The following IVD variants were observed in gnomAD, a reference collection of about 807,000 sequenced individuals.
IVD encodes the protein isovaleryl-CoA dehydrogenase.
IVD carries 31 observed loss-of-function variants against 51.3 expected under a neutral mutation model. The ratio of observed to expected loss-of-function variants is 0.60; its 90% CI spans 0.45 to 0.81. The LOEUF is 0.81. Ranked by LOEUF, IVD falls within the 40% of genes least tolerant of loss-of-function variation. The pLI, the probability that IVD is intolerant of heterozygous loss-of-function variation, is 0.00. For missense variants in IVD, 475 were observed against 552.0 expected (o/e 0.86, Z 1.40); for synonymous variants, 205 against 219.4 (o/e 0.93, Z 0.58).
chr15:40,433,135 G>A (rs1432749757), intron 7 of IVD, among the ~76,000 whole-genome samples: 3 of 152,066 alleles, frequency 2.0e-5, no homozygotes, highest in African/African-American at 7.2e-5. Flanking sequence ...GTAGAAAGAA[G>A]AAAGCTTTTA....
Position 40,418,250 on chromosome 15 carries a change from C to T in IVD, c.1259C>T (p.Ala420Val). ...CTGGTCATCGGCAGAGCCTTCAATGCAGACTTTCACTAGTCCTGAGACCCT... is the reference window on the plus strand; with the variant it reads ...CTGGTCATCGGCAGAGCCTTCAATGTAGACTTTCACTAGTCCTGAGACCCT... Reference protein sequence around the residue: ...RRLVIGRAFNADFH With the variant: ...RRLVIGRAFNVDFH Residue 420 changes from alanine (A) to valine (V), a missense_variant, in exon 12 of 12, where the codon GCA (alanine) becomes GTA (valine). Ala to Val is a moderately conservative substitution (Grantham distance 64). Coordinates refer to ENST00000487418, the MANE Select transcript of IVD (RefSeq NM_002225.5). 2.5e-6 allele frequency: 4 copies of T among 1,614,144 alleles called. 1 individual carries two copies. The highest frequency in any genetic ancestry group is 2.2e-5 in the South Asian group (2 of 91,082).
At chr15:40,430,358 G>A (rs1035153052) in intron 7 of IVD, among the ~76,000 whole-genome samples, 1 of 152,220 alleles carries the variant, frequency 6.6e-6, no homozygotes, top group African/African-American at 2.4e-5. Flanking sequence ...AGGCTTGCTA[G>A]GAGGAGAGCA....
chr15:40,428,587 G>A (rs17733719), downstream of IVD, among the ~76,000 whole-genome samples: 57,598 of 151,922 alleles, frequency 0.38, 12,426 homozygotes, highest in East Asian at 0.77. Flanking sequence ...TTGGAACCTG[G>A]CCACACACAT....
intron 11 of IVD, among the ~76,000 whole-genome samples, chr15:40,417,054 A>G (rs74520989): frequency 2.0e-5 from 3 of 150,520 alleles, no homozygotes; most frequent in Admixed American, 6.6e-5. Flanking sequence ...ACAAAAAAAA[A>G]TTAGCCAAGT....
Position 40,420,227 on chromosome 15 carries a change from C to A in IVD, c.*1964C>A. The A allele has an allele frequency of 1.0e-6, 1 of 986,910 alleles. No homozygotes were observed. The highest frequency in any genetic ancestry group is 1.2e-6 in the Non-Finnish European group (1 of 830,202). The allele number at this position is 986,910 out of a possible 1,614,324, so 61.1% of individuals were successfully genotyped here. A position where few individuals can be genotyped will look rare whatever the true frequency, so the allele number is the denominator to read the frequency against. ...TCCTCCTGTACAGCACCTCTGAGCC[C>A]TTGTGCACCGCCCTGCCACGGGCAC... On this transcript the variant is annotated 3_prime_UTR_variant, in exon 12 of 12. Coordinates refer to ENST00000487418, the MANE Select transcript of IVD (RefSeq NM_002225.5).
At position 40,407,999 on chromosome 15, in the gene IVD, A is replaced by G. The variant is rs773620741; in HGVS notation, c.286+9A>G. 35 of 1,613,444 alleles carry G rather than the reference A, an allele frequency of 2.2e-5. No individual in the cohort carries two copies. Among genetic ancestry groups the G allele is most frequent in the Non-Finnish European group, 4.2e-6 (5 of 1,179,518 alleles). On this transcript the variant is annotated intron_variant, in intron 3 of 11. Coordinates refer to ENST00000487418, the MANE Select transcript of IVD (RefSeq NM_002225.5). ...GGGCATCACAGCCCCTGGTGAGTAT[A>G]GTGTCTTTCCCTAAAAAGAACTTTT...
At chr15:40,412,804 G>C (rs1038467812) in intron 6 of IVD, 187 bp from the exon 7 acceptor site, 1 of 601,304 alleles carries the variant, frequency 1.7e-6, no homozygotes, top group Non-Finnish European at 3.0e-6. Flanking sequence ...TGGCAGAGGA[G>C]GCTGGGATCA....
chr15:40,415,808 G>A (rs1891607232), intron 9 of IVD, among the ~76,000 whole-genome samples: 1 of 152,258 alleles, frequency 6.6e-6, no homozygotes. Context: ...CTGCTGGAAG[G>A]TAATAAGCAT....
intron 7 of IVD, chr15:40,413,302 A>G (rs1448307389): frequency 4.9e-6 from 3 of 611,450 alleles, no homozygotes; most frequent in Non-Finnish European, 9.0e-6. Flanking sequence ...CACACTCCGC[A>G]TAGGGTCTGT....
At chr15:40,408,568 G>A (rs16970660) in intron 3 of IVD, among the ~76,000 whole-genome samples, 17,439 of 152,106 alleles carry the variant, frequency 0.11, 1,130 homozygotes, top group Non-Finnish European at 0.13. Flanking sequence ...TAGGCTGTCC[G>A]GAGGGAGAAG....
chr15:40,418,835 A>T lies in IVD; in HGVS notation c.*572A>T. The T allele has an allele frequency of 1.0e-5, 10 of 961,416 alleles. No homozygotes were observed. Among genetic ancestry groups the T allele is most frequent in the Non-Finnish European group, 1.3e-5 (10 of 771,588 alleles). The allele number at this position is 961,416 out of a possible 1,614,324, so 59.6% of individuals were successfully genotyped here. On this transcript the variant is annotated 3_prime_UTR_variant, in exon 12 of 12. Coordinates refer to ENST00000487418, the MANE Select transcript of IVD (RefSeq NM_002225.5). The stretch of plus-strand genomic sequence containing the variant: ...TCAGTCTCTTTTCTGGGGGAAAAAA[A>T]TAATAAACCTAGCCTAGCCAGGCGT...
At chr15:40,409,738 C>T (rs1213737330) in intron 3 of IVD, among the ~76,000 whole-genome samples, 2 of 152,030 alleles carry the variant, frequency 1.3e-5, no homozygotes, top group African/African-American at 2.4e-5. Flanking sequence ...TTCTGAAATT[C>T]TCTGCCAGCA....
At chr15:40,424,864 C>A (rs1892575680), downstream of IVD, among the ~76,000 whole-genome samples, 1 of 152,220 alleles carries the variant, frequency 6.6e-6, no homozygotes, top group Admixed American at 6.5e-5. Flanking sequence ...TGCTCAGTGG[C>A]TATGTTCATG....
At chr15:40,429,499 C>A (rs1283217426) in intron 7 of IVD, among the ~76,000 whole-genome samples, 1 of 152,086 alleles carries the variant, frequency 6.6e-6, no homozygotes, top group Non-Finnish European at 1.5e-5. Context: ...AGCACTAACC[C>A]ATCTACACGC....
At chr15:40,433,788 T>C (rs923636086) in intron 7 of IVD, 1 of 454,338 alleles carries the variant, frequency 2.2e-6, no homozygotes, top group Non-Finnish European at 4.4e-6. Context: ...CATGCCATGT[T>C]CTCAGGAGTC....
chr15:40,411,710 AG>A lies in IVD; in HGVS notation c.687+22del. 4 of 1,614,004 alleles carry A rather than the reference AG, an allele frequency of 2.5e-6. No individual in the cohort carries two copies. Among genetic ancestry groups the A allele is most frequent in the Non-Finnish European group, 3.4e-6 (4 of 1,179,950 alleles). Reference sequence around the variant, plus strand: ...GGAGAAGGTGAGTATAGGTGGGTGCAGGGCCAGGAGGCTTCTGCCTCCTGAC... The same window carrying A: ...GGAGAAGGTGAGTATAGGTGGGTGCAGGCCAGGAGGCTTCTGCCTCCTGAC... On this transcript the variant is annotated intron_variant, in intron 6 of 11. Coordinates refer to ENST00000487418, the MANE Select transcript of IVD (RefSeq NM_002225.5).
chr15:40,412,369 G>A (rs1322621411), intron 6 of IVD, among the ~76,000 whole-genome samples: 1 of 152,206 alleles, frequency 6.6e-6, no homozygotes, highest in African/African-American at 2.4e-5. Context: ...GTTGGCAAGA[G>A]TTTCATGAGC....
At position 40,421,227 on chromosome 15, in the gene IVD, T is replaced by C; in HGVS notation, c.*2964T>C. 1.0e-6 allele frequency: 1 copy of C among 985,458 alleles called. No individual in the cohort carries two copies. Among genetic ancestry groups the C allele is most frequent in the African/African-American group, 1.7e-5 (1 of 57,370 alleles). 61.0% of individuals were successfully genotyped at this position (985,458 alleles called of 1,614,324 possible). ...TCCAGTCTGTCTAAGCCCTGTCGAC[T>C]TGGGGAGGTGATTTCTTTCCTGGTT... On this transcript the variant is annotated 3_prime_UTR_variant, in exon 12 of 12. Transcript: ENST00000487418.
chr15:40,421,492 T>C (rs1238440890), downstream of IVD, among the ~76,000 whole-genome samples: 2 of 152,208 alleles, frequency 1.3e-5, no homozygotes, highest in Admixed American at 6.5e-5. Context: ...GGCAGCTCGC[T>C]GCTGTTGATG....
Sources: allele counts gnomAD v4.1 joint callset (sites outside exome capture counted in the v4.1 genomes callset), GRCh38; gene constraint gnomAD v4.1.1; transcripts MANE v1.5; gene names NCBI Gene and HGNC (gene_info 2026-07-23, HGNC 2026-07-21).